The following PCDHGA4 variants were observed in gnomAD, a reference collection of about 807,000 sequenced individuals.
PCDHGA4 encodes the protein protocadherin gamma-A4.
Under a neutral mutation model 54.6 loss-of-function variants are expected in PCDHGA4, and 38 were observed. That is an observed-to-expected ratio of 0.70 (90% CI 0.54 to 0.91). PCDHGA4 has a LOEUF of 0.91. Among genes scored for constraint, PCDHGA4 ranks in the 40% least tolerant of loss-of-function variants. The probability of loss-of-function intolerance (pLI) is 0.00; values close to 1 mark genes in which losing one functional copy is unlikely to be tolerated. For synonymous variants in PCDHGA4, 511 were observed against 512.9 expected (o/e 1.00, Z 0.05); for missense variants, 1,298 against 1,220.9 (o/e 1.06, Z -0.94).
intron 1 of PCDHGA4, chr5:141,405,556 C>T: frequency 1.6e-6 from 1 of 619,826 alleles, no homozygotes; most frequent in East Asian, 2.7e-5. Context: ...AGTAGAGTAG[C>T]TGGGACTAGA....
Position 141,491,498 on chromosome 5 carries a change from C to T in PCDHGA4, c.2515-3309C>T, listed in dbSNP as rs975297143. 2 of 1,614,102 alleles carry T rather than the reference C, an allele frequency of 1.2e-6. No homozygotes were observed. Among genetic ancestry groups the T allele is most frequent in the Non-Finnish European group, 1.7e-6 (2 of 1,180,018 alleles). ...TCCAGCCCCAACCTGCAGGTGAGCT[C>T]GGACGGCACGCTCAAGTACATGGAG... On this transcript the variant is annotated intron_variant, in intron 1 of 3. Transcript: ENST00000571252. The surrounding 1 kb of genome is among the most constrained non-coding windows in gnomAD (Gnocchi z 6.9).
chr5:141,370,807 C>T lies in PCDHGA4; in HGVS notation c.2514+13186C>T. 2 of 1,614,036 alleles carry T rather than the reference C, an allele frequency of 1.2e-6. No homozygotes were observed. Among genetic ancestry groups the T allele is most frequent in the Non-Finnish European group, 1.7e-6 (2 of 1,179,902 alleles). On this transcript the variant is annotated intron_variant, in intron 1 of 3. Coordinates refer to ENST00000571252, the MANE Select transcript of PCDHGA4 (RefSeq NM_018917.4). ...CCACCGACCTTTAGCCAAAATATCA[C>T]TGAGCTGGAAATCAGCGAACTGGCT...
chr5:141,390,478 ATTTG>A (rs2092157792), intron 1 of PCDHGA4: 1 of 678,524 alleles, frequency 1.5e-6, no homozygotes, highest in Admixed American at 3.1e-5. Flanking sequence ...GTGGCCCAAC[ATTTG>A]TTTGTTTTTT....
intron 1 of PCDHGA4, chr5:141,413,526 G>A: frequency 6.2e-7 from 1 of 1,613,936 alleles, no homozygotes; most frequent in Non-Finnish European, 8.5e-7. Context: ...TGGAAGACAG[G>A]GTGAAACTTT....
intron 1 of PCDHGA4, chr5:141,413,768 TG>T (rs1158107882): frequency 2.5e-6 from 4 of 1,613,132 alleles, no homozygotes; most frequent in Non-Finnish European, 3.4e-6. Context: ...TACCCGGAGC[TG>T]GTACTGGAGC....
chr5:141,396,112 A>G (rs916569843), intron 1 of PCDHGA4: 4 of 152,232 alleles, frequency 2.6e-5, no homozygotes, highest in Non-Finnish European at 2.9e-5. Flanking sequence ...TTAAGAACCA[A>G]TGTTTCAGGT....
intron 1 of PCDHGA4, among the ~76,000 whole-genome samples, chr5:141,369,499 T>A (rs1052662878): frequency 5.3e-5 from 8 of 151,958 alleles, no homozygotes; most frequent in Non-Finnish European, 1.2e-4. Context: ...AAACCCCACC[T>A]CTATAGAAAA....
chr5:141,431,511 T>G lies in PCDHGA4; in HGVS notation c.2515-63296T>G, dbSNP rs1234369765. 6.2e-7 allele frequency: 1 copy of G among 1,614,018 alleles called. No individual in the cohort carries two copies. On this transcript the variant is annotated intron_variant, in intron 1 of 3. Transcript: ENST00000571252. The surrounding 1 kb of genome is among the most constrained non-coding windows in gnomAD (Gnocchi z 4.8). ...GCTCAGCCCGAGTACCGCGCGAGCGTTCCGGAGAATCTGGCCTTGGGCACG... is the reference window on the plus strand; with the variant it reads ...GCTCAGCCCGAGTACCGCGCGAGCGGTCCGGAGAATCTGGCCTTGGGCACG...
chr5:141,399,797 G>A (rs760211919), intron 1 of PCDHGA4: 1 of 1,613,192 alleles, frequency 6.2e-7, no homozygotes, highest in Non-Finnish European at 8.5e-7. Context: ...AACGCACCGC[G>A]GGTGCTGTAC....
chr5:141,506,815 A>G (rs2099856451), intron 3 of PCDHGA4, among the ~76,000 whole-genome samples: 1 of 152,214 alleles, frequency 6.6e-6, no homozygotes, highest in African/African-American at 2.4e-5. Flanking sequence ...GCATTGCCCT[A>G]TATCATGAAC....
chr5:141,358,588 T>C (rs73265833), intron 1 of PCDHGA4, among the ~76,000 whole-genome samples: 1 of 152,378 alleles, frequency 6.6e-6, no homozygotes, highest in African/African-American at 2.4e-5. Context: ...ATTCCTCTGG[T>C]GCACTCCTGT....
At position 141,505,451 on chromosome 5, in the gene PCDHGA4, C is replaced by T. The variant is rs1350424069; in HGVS notation, c.2632C>T (p.Leu878=). Residue 878 remains leucine (L), a synonymous_variant, in exon 3 of 4, where the codon CTG becomes TTG. Transcript: ENST00000571252. The part of the protein sequence containing the change: ...WPNNQFDTEM[L]QAMILASASE... ...CAACAACCAGTTTGACACAGAGATG[C>T]TGCAAGCCATGATCTTGGCGTCCGC... The T allele has an allele frequency of 1.2e-6, 2 of 1,614,222 alleles. No individual in the cohort carries two copies. The highest frequency in any genetic ancestry group is 1.7e-6 in the Non-Finnish European group (2 of 1,180,048).
In PCDHGA4 at chr5:141,360,298, G is replaced by A. The variant is rs368468229; in HGVS notation, c.2514+2677G>A. On this transcript the variant is annotated intron_variant, in intron 1 of 3. Transcript: ENST00000571252. Reference sequence around the variant, plus strand: ...CGTAGGAAACCTCGCCAAGGATCTGGGGCTCAGCGTCCGGGACTTGCCAGC... The same window carrying A: ...CGTAGGAAACCTCGCCAAGGATCTGAGGCTCAGCGTCCGGGACTTGCCAGC... 268 of 1,613,990 alleles carry A rather than the reference G, an allele frequency of 1.7e-4. No individual in the cohort carries two copies. The highest frequency in any genetic ancestry group is 2.2e-4 in the Non-Finnish European group (260 of 1,179,896).
intron 1 of PCDHGA4, chr5:141,478,378 G>A (rs1454112813): frequency 6.2e-7 from 1 of 1,613,558 alleles, no homozygotes; most frequent in Admixed American, 1.7e-5. Context: ...TGATGTCGCC[G>A]CACCTTTACC....
At chr5:141,365,333 G>A in intron 1 of PCDHGA4, 2 of 1,613,942 alleles carry the variant, frequency 1.2e-6, no homozygotes, top group East Asian at 2.2e-5. Flanking sequence ...TAAGGTGGTG[G>A]TCACAGTACA....
At position 141,477,290 on chromosome 5, in the gene PCDHGA4, C is replaced by T; in HGVS notation, c.2515-17517C>T. 5 of 1,614,158 alleles carry T rather than the reference C, an allele frequency of 3.1e-6. No individual in the cohort carries two copies. In the South Asian group the frequency reaches 5.5e-5, roughly 18 times the overall value. On this transcript the variant is annotated intron_variant, in intron 1 of 3. Coordinates refer to ENST00000571252, the MANE Select transcript of PCDHGA4 (RefSeq NM_018917.4). The surrounding 1 kb of genome is among the most constrained non-coding windows in gnomAD (Gnocchi z 4.9). ...GAACGGGCTGGTGACCTGCGAAGTT[C>T]CACCGGGTCTCCCTTTCAGCCTTAC...
At chr5:141,499,189 C>T (rs1406015145) in intron 2 of PCDHGA4, among the ~76,000 whole-genome samples, 3 of 152,088 alleles carry the variant, frequency 2.0e-5, no homozygotes, top group African/African-American at 7.2e-5. Flanking sequence ...AAACCATTTC[C>T]CCCTTCTTAG....
chr5:141,389,276 G>T (rs375882135), intron 1 of PCDHGA4: 4 of 1,613,858 alleles, frequency 2.5e-6, no homozygotes, highest in South Asian at 2.2e-5. Flanking sequence ...AGAACAACCC[G>T]CCTGGAGCCT....
At chr5:141,457,439 C>T (rs2098920819) in intron 1 of PCDHGA4, among the ~76,000 whole-genome samples, 1 of 152,194 alleles carries the variant, frequency 6.6e-6, no homozygotes, top group Non-Finnish European at 1.5e-5. Context: ...CACCAAGCTG[C>T]AGAAGATCAC....
Sources: gnomAD v4.1 joint callset for allele counts (sites outside exome capture counted in the v4.1 genomes callset) on GRCh38, gnomAD v4.1.1 for gene constraint, Gnocchi (gnomAD v3.1) non-coding constraint, MANE v1.5 for transcripts, NCBI Gene and HGNC (gene_info 2026-07-23, HGNC 2026-07-21) for gene names.